STPG2: variants seen among roughly 807,000 people sequenced by gnomAD.
STPG2 encodes sperm-tail PG-rich repeat-containing protein 2.
A neutral mutation model predicts 54.2 loss-of-function variants in STPG2; 56 were observed. That is an observed-to-expected ratio of 1.03 (90% confidence interval 0.83 to 1.29). The LOEUF is 1.29. Among genes scored for constraint, STPG2 ranks in the 50% most tolerant of loss-of-function variants. The pLI is 0.00. For missense variants in STPG2, 596 were observed against 544.9 expected (o/e 1.09, Z -0.93); for synonymous variants, 200 against 181.8 (o/e 1.10, Z -0.81).
At chr4:97,532,652 A>T (rs1470190868) in intron 4 of STPG2, among the ~76,000 whole-genome samples, 1 of 152,212 alleles carries the variant, frequency 6.6e-6, no homozygotes, top group African/African-American at 2.4e-5. Context: ...AAAATGGAAA[A>T]TGCCTTAATG....
At chr4:97,741,318 C>T (rs915645447) in intron 9 of STPG2, among the ~76,000 whole-genome samples, 30 of 152,260 alleles carry the variant, frequency 2.0e-4, no homozygotes, top group Admixed American at 5.2e-4. Context: ...TACTTCATGT[C>T]TAAAACACCA....
intron 5 of STPG2, among the ~76,000 whole-genome samples, chr4:98,016,464 T>C (rs866675759): frequency 6.6e-6 from 1 of 152,196 alleles, no homozygotes; most frequent in Non-Finnish European, 1.5e-5. Context: ...TTTCTTTTTG[T>C]TTCTCTAACT....
intron 10 of STPG2, among the ~76,000 whole-genome samples, chr4:97,591,745 T>C (rs570905695): frequency 2.3e-4 from 35 of 152,200 alleles, no homozygotes; most frequent in Non-Finnish European, 4.6e-4. Flanking sequence ...TCAGAAGGCA[T>C]ACACTAACCT....
intron 9 of STPG2, among the ~76,000 whole-genome samples, chr4:97,799,802 CG>C (rs1560533488): frequency 3.3e-5 from 5 of 152,170 alleles, no homozygotes; most frequent in Non-Finnish European, 5.9e-5. Context: ...CCATTCTCCC[CG>C]TCACTTTCAG....
rs75333066 is a variant in STPG2, at chr4:97,474,088, T to C, written c.462+238611A>G. Among the ~76,000 whole-genome samples, 279 of 152,284 alleles carry C rather than the reference T, an allele frequency of 1.8e-3. 1 individual carries two copies. The highest frequency in any genetic ancestry group is 6.4e-3 in the African/African-American group (267 of 41,560). On this transcript the variant is annotated intron_variant, in intron 4 of 4. Transcript: ENST00000522676. ...CCTAATGTAAACTATGGACTTTAGA[T>C]GATAATGTTGTTGTCTCAATGTAGG...
chr4:97,930,119 A>T (rs1316654912), intron 8 of STPG2, among the ~76,000 whole-genome samples: 1 of 152,010 alleles, frequency 6.6e-6, no homozygotes, highest in Non-Finnish European at 1.5e-5. Flanking sequence ...GGATGGTCTC[A>T]ATCTCCTGAC....
intron 10 of STPG2, among the ~76,000 whole-genome samples, chr4:97,581,500 T>G (rs1332909889): frequency 6.6e-6 from 1 of 152,156 alleles, no homozygotes; most frequent in East Asian, 1.9e-4. Flanking sequence ...AATTTATACT[T>G]AACTAATAAT....
intron 4 of STPG2, among the ~76,000 whole-genome samples, chr4:97,460,442 A>AT (rs1161762883): frequency 2.0e-5 from 3 of 147,540 alleles, no homozygotes; most frequent in Non-Finnish European, 4.5e-5. Context: ...TTTTATTTTT[A>AT]TTTTTTGTAA....
chr4:97,859,490 G>A (rs1212512965), intron 8 of STPG2, among the ~76,000 whole-genome samples: 2 of 138,432 alleles, frequency 1.4e-5, no homozygotes, highest in Non-Finnish European at 3.0e-5. Context: ...TTGAGATGGA[G>A]TCTCACTCTG....
intron 10 of STPG2, among the ~76,000 whole-genome samples, chr4:97,602,986 GT>G (rs1467250282): frequency 1.3e-5 from 2 of 151,630 alleles, no homozygotes; most frequent in Non-Finnish European, 3.0e-5. Context: ...CATTAAATTA[GT>G]TTTAAAGCAT....
intron 8 of STPG2, among the ~76,000 whole-genome samples, chr4:97,881,603 C>T (rs1730377576): frequency 6.6e-6 from 1 of 152,014 alleles, no homozygotes; most frequent in Non-Finnish European, 1.5e-5. Flanking sequence ...CCTCATTTAC[C>T]ATGAGAAAAT....
chr4:97,936,977 A>T (rs1240475128), intron 8 of STPG2, among the ~76,000 whole-genome samples: 1 of 151,922 alleles, frequency 6.6e-6, no homozygotes, highest in Non-Finnish European at 1.5e-5. Flanking sequence ...TGTGTTTTTC[A>T]ACTTGGTTCA....
chr4:97,686,449 A>G (rs1723191262), intron 10 of STPG2, among the ~76,000 whole-genome samples: 1 of 151,960 alleles, frequency 6.6e-6, no homozygotes, highest in Non-Finnish European at 1.5e-5. Context: ...CAATGTTAAC[A>G]CCTTTCAGTT....
chr4:97,985,264 A>G (rs1173489031), intron 5 of STPG2, among the ~76,000 whole-genome samples: 6 of 152,308 alleles, frequency 3.9e-5, no homozygotes, highest in South Asian at 2.1e-4. Flanking sequence ...ATTAAAATAT[A>G]TATATTACTG....
At chr4:97,973,767 T>C (rs1043394152) in intron 6 of STPG2, among the ~76,000 whole-genome samples, 1 of 632 alleles carries the variant, frequency 1.6e-3, no homozygotes, top group African/African-American at 5.0e-3. Flanking sequence ...TTTCAGAGGG[T>C]GCAAGCCCAA....
chr4:97,455,050 G>A (rs1398698488), intron 4 of STPG2, among the ~76,000 whole-genome samples: 2 of 151,738 alleles, frequency 1.3e-5, no homozygotes, highest in Non-Finnish European at 2.9e-5. Flanking sequence ...GAAACAAACA[G>A]ATTGATAGAA....
At chr4:98,141,412 C>T (rs1337848578) in intron 1 of STPG2, among the ~76,000 whole-genome samples, 2 of 152,148 alleles carry the variant, frequency 1.3e-5, no homozygotes, top group Non-Finnish European at 2.9e-5. Context: ...AACCTGCTCC[C>T]TCTCTCTGAA....
intron 5 of STPG2, among the ~76,000 whole-genome samples, chr4:97,993,937 T>C (rs1320463557): frequency 6.6e-6 from 1 of 152,196 alleles, no homozygotes; most frequent in Non-Finnish European, 1.5e-5. Context: ...TAATAGTTCC[T>C]GTTTCATTTC....
chr4:97,930,301 A>T (rs1278268358), intron 8 of STPG2, among the ~76,000 whole-genome samples: 1 of 152,200 alleles, frequency 6.6e-6, no homozygotes, highest in East Asian at 1.9e-4. Context: ...AAGCGTTTTT[A>T]GAATTTTGGG....
Sources: allele counts gnomAD v4.1 joint callset (sites outside exome capture counted in the v4.1 genomes callset), GRCh38; gene constraint gnomAD v4.1.1; transcripts MANE v1.5; gene names NCBI Gene and HGNC (gene_info 2026-07-23, HGNC 2026-07-21).